USP34: variants seen among roughly 807,000 people sequenced by gnomAD.
USP34 encodes ubiquitin specific peptidase 34.
Under a neutral mutation model 460.3 loss-of-function variants are expected in USP34, and 70 were observed. That is an observed-to-expected ratio of 0.15 (90% CI 0.13 to 0.19). The LOEUF (loss-of-function observed/expected upper bound fraction) is 0.19, where lower values mean the gene tolerates loss of function less well. Among genes scored for constraint, USP34 ranks in the 10% least tolerant of loss-of-function variants. The probability of loss-of-function intolerance (pLI) is 1.00; values close to 1 mark genes in which losing one functional copy is unlikely to be tolerated. For missense variants in USP34, 3,985 were observed against 4,236.2 expected, an observed-to-expected ratio of 0.94 and a Z score of 1.65; for synonymous variants, 1,647 against 1,405.3, an observed-to-expected ratio of 1.17 and a Z score of -3.85.
rs764882819 is a variant in USP34 at position 61,192,946 on chromosome 2, A to G, written c.9543T>C (p.His3181=). ...TCCAAAGTTTGGGGAACAGTGCAAG[A>G]TGAAGTGGCAAACCTTCATAGGCAA... ...VLVAYEGLPL[H]LALFPKLWTE... The change falls in exon 76 of 80, where the codon CAT becomes CAC. Residue 3181 remains histidine, a synonymous_variant. Coordinates refer to ENST00000398571, the MANE Select transcript of USP34 (RefSeq NM_014709.4). 2 of 1,613,860 alleles carry G rather than the reference A, an allele frequency of 1.2e-6. No homozygotes were observed. Among genetic ancestry groups the G allele is most frequent in the Non-Finnish European group, 1.7e-6 (2 of 1,179,892 alleles).
At chr2:61,331,906 T>C (rs761659729) in intron 19 of USP34, among the ~76,000 whole-genome samples, 2 of 152,054 alleles carry the variant, frequency 1.3e-5, no homozygotes, top group African/African-American at 2.4e-5. Flanking sequence ...ACTTCCATAA[T>C]TAACATAATG....
chr2:61,246,075 A>G (rs968330982), intron 50 of USP34, among the ~76,000 whole-genome samples: 1 of 152,238 alleles, frequency 6.6e-6, no homozygotes, highest in Non-Finnish European at 1.5e-5. Flanking sequence ...AATGTTGTCT[A>G]TAAATCTCCT....
intron 72 of USP34, among the ~76,000 whole-genome samples, chr2:61,205,171 G>A (rs985496517): frequency 2.0e-5 from 3 of 152,160 alleles, no homozygotes; most frequent in Admixed American, 6.5e-5. Flanking sequence ...AATGTACGTT[G>A]ATTATGTGTC....
In USP34 at chr2:61,314,566, G is replaced by A. The variant is rs755113979; in HGVS notation, c.3542+19C>T. 2.0e-6 allele frequency: 3 copies of A among 1,465,588 alleles called. No individual in the cohort carries two copies. Among genetic ancestry groups the A allele is most frequent in the South Asian group, 1.6e-5 (1 of 62,342 alleles). The allele number at this position is 1,465,588 out of a possible 1,614,324, so 90.8% of individuals were successfully genotyped here. On this transcript the variant is annotated intron_variant, in intron 25 of 79. Transcript: ENST00000398571. Reference sequence around the variant, plus strand: ...TAAAAATGAAATTCATTCTAACAGTGTGATATTTTAAAAATTACCTTCTCC... The same window carrying A: ...TAAAAATGAAATTCATTCTAACAGTATGATATTTTAAAAATTACCTTCTCC...
intron 33 of USP34, among the ~76,000 whole-genome samples, chr2:61,291,420 G>C (rs892902322): frequency 6.6e-6 from 1 of 152,162 alleles, no homozygotes; most frequent in Non-Finnish European, 1.5e-5. Flanking sequence ...ACAGGACCCA[G>C]AAACTGCACT....
intron 51 of USP34, 37 bp from the exon 52 acceptor site, chr2:61,241,856 A>C (rs77445405): frequency 0.072 from 82,768 of 1,156,250 alleles, 3,390 homozygotes; most frequent in Non-Finnish European, 0.085. Flanking sequence ...TCTTTGAAAA[A>C]ATGGGTATAC....
chr2:61,235,797 A>C, intron 57 of USP34, 48 bp downstream of exon 57: 1 of 1,581,924 alleles, frequency 6.3e-7, no homozygotes, highest in South Asian at 1.2e-5. Context: ...GGGGGGGAAA[A>C]AAAAAAGAAT....
At chr2:61,339,298 C>T in intron 18 of USP34, 53 bp downstream of exon 18, 1 of 1,560,064 alleles carries the variant, frequency 6.4e-7, no homozygotes, top group Non-Finnish European at 8.7e-7. Context: ...GAATGTCCCC[C>T]CACACCCAAA....
At chr2:61,445,677 G>A (rs561291795) in intron 1 of USP34, among the ~76,000 whole-genome samples, 5 of 152,058 alleles carry the variant, frequency 3.3e-5, no homozygotes, top group South Asian at 2.1e-4. Flanking sequence ...ATGTCTTACA[G>A]GCCAGGCACA....
intron 41 of USP34, among the ~76,000 whole-genome samples, chr2:61,273,762 A>G (rs746056993): frequency 6.6e-6 from 1 of 152,192 alleles, no homozygotes. Context: ...AATCTACATA[A>G]TTAAGATATG....
At chr2:61,278,361 A>G (rs1052731374) in intron 40 of USP34, 27 bp downstream of exon 40, 4 of 1,607,156 alleles carry the variant, frequency 2.5e-6, no homozygotes, top group Middle Eastern at 1.7e-4. Flanking sequence ...TCGACAATAT[A>G]AATGTCAATT....
intron 1 of USP34, among the ~76,000 whole-genome samples, chr2:61,433,697 G>A (rs764685960): frequency 2.6e-5 from 4 of 152,042 alleles, no homozygotes; most frequent in Non-Finnish European, 5.9e-5. Flanking sequence ...GCCCAATTTA[G>A]ACAACTGCTG....
chr2:61,311,545 A>T lies in USP34; in HGVS notation c.3812T>A (p.Phe1271Tyr), dbSNP rs1432104074. 6.3e-7 allele frequency: 1 copy of T among 1,585,896 alleles called. No individual in the cohort carries two copies. Among genetic ancestry groups the T allele is most frequent in the Admixed American group, 1.9e-5 (1 of 54,026 alleles). Residue 1271 changes from phenylalanine to tyrosine, a missense_variant, in exon 27 of 80, where the codon TTT becomes TAT. This residue lies in a region of USP34 where 1,114 missense variants were observed against 1,122.5 expected (regional missense o/e 0.99). Coordinates refer to ENST00000398571, the MANE Select transcript of USP34 (RefSeq NM_014709.4). Reference protein sequence around the residue: ...EFGQSNRKGEFPGGLMGPVRM... With the variant: ...EFGQSNRKGEYPGGLMGPVRM... ...ATTTGAATTGAAAGGCTTACCAGGA[A>T]ACTCTCCTTTTCGGTTGCTTTGACC...
At chr2:61,260,514 T>C (rs1688848319) in intron 43 of USP34, among the ~76,000 whole-genome samples, 1 of 152,222 alleles carries the variant, frequency 6.6e-6, no homozygotes, top group African/African-American at 2.4e-5. Context: ...TTAGTTATTT[T>C]TGCCAGCTTT....
intron 41 of USP34, among the ~76,000 whole-genome samples, chr2:61,274,323 G>A (rs1689308943): frequency 1.3e-5 from 2 of 152,010 alleles, no homozygotes; most frequent in South Asian, 4.2e-4. Flanking sequence ...CTGGGAGGTG[G>A]AGGTTGAGGT....
intron 2 of USP34, among the ~76,000 whole-genome samples, chr2:61,418,649 T>A (rs1694269872): frequency 6.6e-6 from 1 of 152,160 alleles, no homozygotes; most frequent in African/African-American, 2.4e-5. Context: ...AGAACGACAA[T>A]CTTAATCTAG....
chr2:61,398,613 GGAGA>G (rs1437523615), intron 3 of USP34, among the ~76,000 whole-genome samples: 1 of 150,278 alleles, frequency 6.7e-6, no homozygotes, highest in African/African-American at 2.5e-5. Flanking sequence ...GAAAAGGGAA[GGAGA>G]AAGAGGGAGG....
chr2:61,307,590 A>G (rs981321458), intron 27 of USP34, among the ~76,000 whole-genome samples: 46 of 152,256 alleles, frequency 3.0e-4, no homozygotes, highest in African/African-American at 1.0e-3. Context: ...AAGAGGATAA[A>G]AAACCTCATG....
chr2:61,441,926 T>C (rs982421176), intron 1 of USP34, among the ~76,000 whole-genome samples: 3 of 149,674 alleles, frequency 2.0e-5, no homozygotes, highest in African/African-American at 7.4e-5. Flanking sequence ...TAAGAACAGA[T>C]ACATAAACCA....
Sources: gnomAD v4.1 joint callset for allele counts (sites outside exome capture counted in the v4.1 genomes callset) on GRCh38, gnomAD v4.1.1 for gene constraint, gnomAD v4.1.1 regional missense constraint, MANE v1.5 for transcripts, NCBI Gene and HGNC (gene_info 2026-07-23, HGNC 2026-07-21) for gene names.